EXOC6B: variants seen among roughly 807,000 people sequenced by gnomAD.
EXOC6B encodes the protein SEC15 homolog B.
A neutral mutation model predicts 113.5 loss-of-function variants in EXOC6B; 54 were observed. The observed-to-expected ratio is 0.48, with a 90% CI of 0.38 to 0.60. The LOEUF (loss-of-function observed/expected upper bound fraction) is 0.60. Ranked by LOEUF, EXOC6B falls within the 20% of genes least tolerant of loss-of-function variation. The pLI, the probability that EXOC6B is intolerant of heterozygous loss-of-function variation, is 0.00. For missense variants in EXOC6B, 797 were observed against 977.5 expected (o/e 0.82, Z 2.46); for synonymous variants, 357 against 339.0 (o/e 1.05, Z -0.58).
intron 6 of EXOC6B, among the ~76,000 whole-genome samples, chr2:72,614,007 C>G (rs1164958311): frequency 6.6e-6 from 1 of 152,110 alleles, no homozygotes. Context: ...GTATTATCTA[C>G]AGCTGCTTTC....
intron 5 of EXOC6B, among the ~76,000 whole-genome samples, chr2:72,722,333 A>G (rs1287560333): frequency 6.6e-6 from 1 of 152,170 alleles, no homozygotes; most frequent in East Asian, 1.9e-4. Context: ...CTTAAAAAGA[A>G]AAAAGACTTA....
At chr2:72,492,589 A>T (rs1390728663) in intron 15 of EXOC6B, among the ~76,000 whole-genome samples, 160 bp from the exon 16 acceptor site, 2 of 152,048 alleles carry the variant, frequency 1.3e-5, no homozygotes, top group Non-Finnish European at 2.9e-5. Flanking sequence ...AAACTCTCCT[A>T]GCTTTTGTTG....
At chr2:72,741,695 C>G (rs1681335534) in intron 1 of EXOC6B, among the ~76,000 whole-genome samples, 1 of 152,202 alleles carries the variant, frequency 6.6e-6, no homozygotes, top group Admixed American at 6.5e-5. Context: ...ACAAAATTCT[C>G]ATCATAAAAT....
intron 1 of EXOC6B, among the ~76,000 whole-genome samples, chr2:72,773,731 GAA>G (rs1360759320): frequency 3.3e-5 from 5 of 152,122 alleles, no homozygotes; most frequent in Non-Finnish European, 1.5e-5. Flanking sequence ...TTACATTTGT[GAA>G]AGTCTCTTTA....
chr2:72,290,165 GGC>G (rs1685695532), intron 20 of EXOC6B, among the ~76,000 whole-genome samples: 3 of 152,278 alleles, frequency 2.0e-5, no homozygotes, highest in African/African-American at 7.2e-5. Flanking sequence ...TGGCTCTGCT[GGC>G]TCTCCAGCCT....
intron 16 of EXOC6B, among the ~76,000 whole-genome samples, chr2:72,487,501 C>T (rs1699492861): frequency 6.6e-6 from 1 of 152,192 alleles, no homozygotes; most frequent in African/African-American, 2.4e-5. Flanking sequence ...GCTAGGATCA[C>T]AGGCACGTGC....
intron 6 of EXOC6B, among the ~76,000 whole-genome samples, chr2:72,601,034 G>A (rs376031115): frequency 2.0e-5 from 3 of 151,246 alleles, no homozygotes; most frequent in African/African-American, 7.3e-5. Flanking sequence ...GATGTTTAAC[G>A]TCATCTGTTA....
At chr2:72,708,322 C>T (rs928723150) in intron 6 of EXOC6B, among the ~76,000 whole-genome samples, 13 of 152,172 alleles carry the variant, frequency 8.5e-5, no homozygotes, top group African/African-American at 2.7e-4. Context: ...CATAAACCTT[C>T]ATATATTCCA....
chr2:72,675,239 C>A (rs1398713307), intron 6 of EXOC6B, among the ~76,000 whole-genome samples: 3 of 152,206 alleles, frequency 2.0e-5, no homozygotes, highest in African/African-American at 7.2e-5. Flanking sequence ...TAACACAAAA[C>A]TGCCACAGTT....
In EXOC6B at chr2:72,630,514, T is replaced by C. The variant is rs150356806; in HGVS notation, c.670-54846A>G. ...TTAAATTCCCGGAGTTAACTGAATATGCAAAACCTGTCCTAATAAAACCAT... is the reference window on the plus strand; with the variant it reads ...TTAAATTCCCGGAGTTAACTGAATACGCAAAACCTGTCCTAATAAAACCAT... On this transcript the variant is annotated intron_variant, in intron 6 of 21. Transcript: ENST00000272427. 4.6e-4 allele frequency among the ~76,000 whole-genome samples: 70 copies of C among 152,310 alleles called. 1 individual carries two copies. In the East Asian group the frequency reaches 0.012, roughly 26 times the overall value.
At chr2:72,217,340 G>C (rs568431709) in intron 20 of EXOC6B, among the ~76,000 whole-genome samples, 1 of 152,204 alleles carries the variant, frequency 6.6e-6, no homozygotes, top group South Asian at 2.1e-4. Flanking sequence ...CAAGAAACAG[G>C]ATATTCTGAG....
At chr2:72,385,020 C>T (rs1243682730) in intron 18 of EXOC6B, among the ~76,000 whole-genome samples, 1 of 151,934 alleles carries the variant, frequency 6.6e-6, no homozygotes. Flanking sequence ...TGCTAAAGTT[C>T]GTATGGAACC....
At chr2:72,648,531 A>G (rs924002126) in intron 6 of EXOC6B, among the ~76,000 whole-genome samples, 3 of 152,228 alleles carry the variant, frequency 2.0e-5, no homozygotes, top group African/African-American at 4.8e-5. Context: ...GAACCAACCC[A>G]AATGTCCATC....
At chr2:72,357,779 G>T (rs927793150) in intron 19 of EXOC6B, among the ~76,000 whole-genome samples, 1 of 151,858 alleles carries the variant, frequency 6.6e-6, no homozygotes, top group African/African-American at 2.4e-5. Flanking sequence ...ACACATTACC[G>T]CTTCTGTTTA....
chr2:72,649,529 G>C (rs529513704), intron 6 of EXOC6B, among the ~76,000 whole-genome samples: 5 of 150,566 alleles, frequency 3.3e-5, no homozygotes, highest in Admixed American at 1.3e-4. Context: ...CTGTGCAGCA[G>C]CAAAAGAAAA....
intron 6 of EXOC6B, among the ~76,000 whole-genome samples, chr2:72,611,617 G>C (rs958801073): frequency 6.6e-6 from 1 of 152,120 alleles, no homozygotes; most frequent in East Asian, 1.9e-4. Context: ...TATGGGAACT[G>C]GTTGAGGAGG....
At chr2:72,456,463 T>C (rs752782868) in intron 18 of EXOC6B, among the ~76,000 whole-genome samples, 9 of 152,116 alleles carry the variant, frequency 5.9e-5, no homozygotes, top group African/African-American at 1.9e-4. Context: ...TGCTGCACTA[T>C]ACACAGAAAT....
chr2:72,418,834 T>C (rs1694690290), intron 18 of EXOC6B, among the ~76,000 whole-genome samples: 1 of 152,198 alleles, frequency 6.6e-6, no homozygotes, highest in African/African-American at 2.4e-5. Context: ...GGAGGGACTT[T>C]CTTTTGTCAT....
intron 20 of EXOC6B, among the ~76,000 whole-genome samples, chr2:72,268,022 A>G (rs1307891802): frequency 6.6e-6 from 1 of 152,246 alleles, no homozygotes; most frequent in Non-Finnish European, 1.5e-5. Flanking sequence ...AACATCTTGA[A>G]TGTTTATTAA....
Sources: allele counts gnomAD v4.1 joint callset (sites outside exome capture counted in the v4.1 genomes callset), GRCh38; gene constraint gnomAD v4.1.1; transcripts MANE v1.5; gene names NCBI Gene and HGNC (gene_info 2026-07-23, HGNC 2026-07-21).